ZNF451: variants seen among roughly 807,000 people sequenced by gnomAD.
ZNF451 encodes E3 SUMO-protein ligase ZNF451.
A neutral mutation model predicts 107.1 loss-of-function variants in ZNF451; 80 were observed. The ratio of observed to expected loss-of-function variants is 0.75; its 90% CI spans 0.62 to 0.90. ZNF451 has a LOEUF of 0.90. Ranked by LOEUF, ZNF451 falls within the 40% of genes least tolerant of loss-of-function variation. The pLI, the probability that ZNF451 is intolerant of heterozygous loss-of-function variation, is 0.00. For missense variants in ZNF451, 1,107 were observed against 1,236.2 expected, an observed-to-expected ratio of 0.90 and a Z score of 1.57; for synonymous variants, 362 against 406.5, an observed-to-expected ratio of 0.89 and a Z score of 1.32.
chr6:57,108,739 T>C (rs1285693736), intron 3 of ZNF451: 1 of 985,320 alleles, frequency 1.0e-6, no homozygotes, highest in African/African-American at 1.7e-5. Flanking sequence ...GTCATCTTCC[T>C]GCCTGGGAAG....
intron 5 of ZNF451, among the ~76,000 whole-genome samples, chr6:57,131,680 T>C (rs929507839): frequency 6.6e-6 from 1 of 152,158 alleles, no homozygotes; most frequent in African/African-American, 2.4e-5. Context: ...TATATAACCA[T>C]TTTGGGATTT....
chr6:57,131,781 T>G (rs1013985452), intron 5 of ZNF451, among the ~76,000 whole-genome samples: 8 of 152,330 alleles, frequency 5.3e-5, no homozygotes, highest in African/African-American at 1.9e-4. Flanking sequence ...AGCTTTTTGT[T>G]GTATGAAATA....
At chr6:57,121,050 A>G (rs1245066094) in intron 3 of ZNF451, among the ~76,000 whole-genome samples, 1 of 151,946 alleles carries the variant, frequency 6.6e-6, no homozygotes. Context: ...ATTTTATGTT[A>G]ATTTTTGTGA....
At chr6:57,160,631 G>A (rs1763632817) in intron 13 of ZNF451, among the ~76,000 whole-genome samples, 1 of 152,046 alleles carries the variant, frequency 6.6e-6, no homozygotes, top group East Asian at 1.9e-4. Flanking sequence ...AACCACGCCT[G>A]GCCTCAATAT....
At chr6:57,139,084 G>T (rs1447093159) in intron 7 of ZNF451, among the ~76,000 whole-genome samples, 1 of 151,918 alleles carries the variant, frequency 6.6e-6, no homozygotes, top group Non-Finnish European at 1.5e-5. Flanking sequence ...TGTATAAATT[G>T]GTGGTTACTA....
intron 6 of ZNF451, among the ~76,000 whole-genome samples, chr6:57,133,717 A>C (rs1831293041): frequency 6.6e-6 from 1 of 152,052 alleles, no homozygotes; most frequent in African/African-American, 2.4e-5. Context: ...ACAGGATCTC[A>C]CTCTGTCGCC....
chr6:57,124,399 A>T, intron 3 of ZNF451: 1 of 713,044 alleles, frequency 1.4e-6, no homozygotes, highest in South Asian at 1.5e-5. Flanking sequence ...GATGTTCTTT[A>T]TTTACCTCTC....
At chr6:57,134,270 C>G (rs1439471808) in intron 6 of ZNF451, 3 of 153,900 alleles carry the variant, frequency 1.9e-5, no homozygotes, top group African/African-American at 7.2e-5. Flanking sequence ...AGCTAAAGTG[C>G]TCCAGGCAGT....
At chr6:57,143,073 A>C (rs1278722771) in intron 9 of ZNF451, among the ~76,000 whole-genome samples, 5 of 152,118 alleles carry the variant, frequency 3.3e-5, no homozygotes, top group African/African-American at 9.7e-5. Context: ...TCTAGATACA[A>C]ATCTTTTGTC....
chr6:57,106,494 C>T (rs906707592), intron 3 of ZNF451: 18 of 606,640 alleles, frequency 3.0e-5, no homozygotes, highest in African/African-American at 2.6e-4. Context: ...TTAGTAGAGA[C>T]GGGGTCTCTC....
intron 4 of ZNF451, among the ~76,000 whole-genome samples, chr6:57,128,092 A>G (rs931519310): frequency 6.6e-6 from 1 of 152,186 alleles, no homozygotes; most frequent in Admixed American, 6.6e-5. Context: ...CTTGGTCTAG[A>G]TGGCAACAAA....
chr6:57,116,814 A>G (rs1830392813), intron 3 of ZNF451: 1 of 152,022 alleles, frequency 6.6e-6, no homozygotes, highest in African/African-American at 2.4e-5. Flanking sequence ...TAAGAAGAAA[A>G]TAGAACCAGG....
intron 4 of ZNF451, among the ~76,000 whole-genome samples, chr6:57,125,278 C>A (rs1830879700): frequency 1.3e-5 from 2 of 152,074 alleles, no homozygotes; most frequent in East Asian, 1.9e-4. Flanking sequence ...CAAATTAAAT[C>A]CATTACTAAA....
chr6:57,126,557 AC>A (rs1428514918), intron 4 of ZNF451: 2 of 152,176 alleles, frequency 1.3e-5, no homozygotes, highest in Non-Finnish European at 2.9e-5. Context: ...TGGTGTCTTC[AC>A]TATTAAAGTA....
intron 3 of ZNF451, chr6:57,105,237 T>C (rs1593087758): frequency 1.0e-6 from 1 of 985,412 alleles, no homozygotes; most frequent in East Asian, 1.1e-4. Flanking sequence ...GCAAGTTTAA[T>C]GATCTGGTAT....
At chr6:57,103,610 A>C in intron 3 of ZNF451, 1 of 985,420 alleles carries the variant, frequency 1.0e-6, no homozygotes, top group Non-Finnish European at 1.2e-6. Context: ...GGGTCTGAAT[A>C]CATCACCTAG....
intron 13 of ZNF451, 131 bp downstream of exon 13, chr6:57,154,178 C>T (rs1170532259): frequency 5.0e-6 from 4 of 803,214 alleles, no homozygotes; most frequent in Non-Finnish European, 7.9e-6. Flanking sequence ...TTACTTCTAT[C>T]TTACTTATCT....
At chr6:57,129,508 A>C (rs1831082841) in intron 5 of ZNF451, among the ~76,000 whole-genome samples, 1 of 152,176 alleles carries the variant, frequency 6.6e-6, no homozygotes, top group South Asian at 2.1e-4. Flanking sequence ...TGTGGATTTA[A>C]TCCAACAAAG....
intron 13 of ZNF451, among the ~76,000 whole-genome samples, chr6:57,155,601 C>A (rs1377798342): frequency 6.6e-6 from 1 of 152,196 alleles, no homozygotes; most frequent in Non-Finnish European, 1.5e-5. Flanking sequence ...GGCCAACCTC[C>A]CTTTCCTTCT....
Sources: gnomAD v4.1 joint callset for allele counts (sites outside exome capture counted in the v4.1 genomes callset) on GRCh38, gnomAD v4.1.1 for gene constraint, MANE v1.5 for transcripts, NCBI Gene and HGNC (gene_info 2026-07-23, HGNC 2026-07-21) for gene names.